OSBPL10: variants seen among roughly 807,000 people sequenced by gnomAD.
The protein encoded by OSBPL10 is oxysterol binding protein like 10.
In OSBPL10, 49 loss-of-function variants were observed where a neutral mutation model predicts 81.7. The observed-to-expected ratio is 0.60, with a 90% confidence interval of 0.48 to 0.76. The LOEUF is 0.76. Ranked by LOEUF, OSBPL10 falls within the 30% of genes least tolerant of loss-of-function variation. The pLI, the probability that OSBPL10 is intolerant of heterozygous loss-of-function variation, is 0.00. For missense variants in OSBPL10, 923 were observed against 987.8 expected (o/e 0.93, Z 0.88); for synonymous variants, 419 against 383.6 (o/e 1.09, Z -1.08).
chr3:32,021,713 C>T (rs1162880261), intron 2 of OSBPL10, among the ~76,000 whole-genome samples: 1 of 152,092 alleles, frequency 6.6e-6, no homozygotes, highest in Non-Finnish European at 1.5e-5. Flanking sequence ...ATGGCTCACA[C>T]CTGTAATTCT....
chr3:31,828,620 G>A (rs908313504), intron 4 of OSBPL10, among the ~76,000 whole-genome samples: 3 of 152,090 alleles, frequency 2.0e-5, no homozygotes, highest in Admixed American at 6.6e-5. Flanking sequence ...GCAGCCTCCC[G>A]CTCCTAGGAT....
At chr3:32,001,938 A>C (rs186888021) in intron 2 of OSBPL10, among the ~76,000 whole-genome samples, 49 of 152,326 alleles carry the variant, frequency 3.2e-4, no homozygotes, top group Admixed American at 1.3e-3. Context: ...TATTATGCTT[A>C]ATAAAATATC....
chr3:31,968,909 G>A (rs1698479115), intron 1 of OSBPL10, among the ~76,000 whole-genome samples: 2 of 152,190 alleles, frequency 1.3e-5, no homozygotes, highest in Non-Finnish European at 2.9e-5. Flanking sequence ...AGCAAAGAGA[G>A]GAATCAATAT....
chr3:31,768,251 C>T (rs1418405352), intron 4 of OSBPL10, among the ~76,000 whole-genome samples: 3 of 152,120 alleles, frequency 2.0e-5, no homozygotes, highest in African/African-American at 7.2e-5. Flanking sequence ...AGGTCACGTT[C>T]ATGGCCCCCT....
At chr3:31,698,334 G>A (rs901248205) in intron 7 of OSBPL10, among the ~76,000 whole-genome samples, 7 of 151,876 alleles carry the variant, frequency 4.6e-5, no homozygotes, top group African/African-American at 7.2e-5. Flanking sequence ...ACCTGTGATC[G>A]CAGCTATTTG....
chr3:31,870,640 T>C (rs1010318144), intron 3 of OSBPL10, among the ~76,000 whole-genome samples: 74 of 151,782 alleles, frequency 4.9e-4, no homozygotes, highest in African/African-American at 1.7e-3. Context: ...ATACACCAAT[T>C]GGCACTCTGT....
chr3:32,076,243 C>T (rs1244984800), intron 1 of OSBPL10, among the ~76,000 whole-genome samples: 1 of 152,108 alleles, frequency 6.6e-6, no homozygotes, highest in African/African-American at 2.4e-5. Flanking sequence ...TGGCGAGCAC[C>T]TGTAGTCCCA....
chr3:31,686,939 C>G (rs1395329558), intron 7 of OSBPL10, among the ~76,000 whole-genome samples: 1 of 152,152 alleles, frequency 6.6e-6, no homozygotes, highest in Non-Finnish European at 1.5e-5. Context: ...ACCACACTTC[C>G]CTCTTCTGCC....
rs531167166 is a variant in OSBPL10 at position 32,072,284 on chromosome 3, C to T, written n.185+5112G>A. On this transcript the variant is annotated intron_variant and non_coding_transcript_variant, in intron 1 of 3. Transcript: ENST00000479173. Reference sequence around the variant, plus strand: ...AAGCTGGAGTCATACACTGCAAGGGCCACCAAAAGGCATCAGATCCCATTG... The same window carrying T: ...AAGCTGGAGTCATACACTGCAAGGGTCACCAAAAGGCATCAGATCCCATTG... Among the ~76,000 whole-genome samples the T allele has an allele frequency of 5.9e-5, 9 of 152,306 alleles. No homozygotes were observed. The East Asian group carries it at 1.7e-3, about 29-fold the overall frequency.
intron 8 of OSBPL10, among the ~76,000 whole-genome samples, chr3:31,676,319 C>G (rs1056758501): frequency 6.7e-6 from 1 of 150,342 alleles, no homozygotes; most frequent in Non-Finnish European, 1.5e-5. Context: ...GAATAAAAGA[C>G]ATATTAAAAT....
intron 2 of OSBPL10, chr3:32,030,456 G>A (rs1699457187): frequency 2.9e-6 from 2 of 686,440 alleles, no homozygotes; most frequent in Admixed American, 1.9e-5. Context: ...TTCTTGCCAA[G>A]AGAATTAATG....
chr3:32,071,279 G>T (rs529947945), intron 1 of OSBPL10, among the ~76,000 whole-genome samples: 5 of 152,118 alleles, frequency 3.3e-5, no homozygotes, highest in African/African-American at 1.2e-4. Flanking sequence ...TCCTTCCTGG[G>T]CATGGTTGGA....
At chr3:31,871,282 G>A (rs940824669) in intron 3 of OSBPL10, among the ~76,000 whole-genome samples, 1 of 152,066 alleles carries the variant, frequency 6.6e-6, no homozygotes, top group Non-Finnish European at 1.5e-5. Context: ...CCCACCGGGA[G>A]GAAGGAACAA....
At chr3:31,758,070 T>C (rs1334137585) in intron 4 of OSBPL10, among the ~76,000 whole-genome samples, 2 of 152,180 alleles carry the variant, frequency 1.3e-5, no homozygotes, top group African/African-American at 4.8e-5. Context: ...AAAATCTGCA[T>C]ATCAAAACTT....
chr3:31,763,158 A>G (rs910460724), intron 4 of OSBPL10, among the ~76,000 whole-genome samples: 10 of 152,234 alleles, frequency 6.6e-5, no homozygotes, highest in African/African-American at 2.4e-4. Context: ...TGTTCTGCAA[A>G]TGGTTTGAAA....
intron 7 of OSBPL10, among the ~76,000 whole-genome samples, chr3:31,690,464 G>A (rs1012946471): frequency 1.3e-5 from 2 of 152,106 alleles, no homozygotes; most frequent in Admixed American, 1.3e-4. Flanking sequence ...AGAGTCCATT[G>A]TGCTACTCTT....
intron 6 of OSBPL10, among the ~76,000 whole-genome samples, chr3:31,715,793 T>C (rs886416540): frequency 6.6e-6 from 1 of 152,250 alleles, no homozygotes; most frequent in Admixed American, 6.5e-5. Context: ...GAAATCATTA[T>C]TGACTTATGC....
intron 1 of OSBPL10, among the ~76,000 whole-genome samples, chr3:31,942,388 A>C (rs930370107): frequency 1.9e-5 from 2 of 104,068 alleles, no homozygotes; most frequent in South Asian, 2.9e-4. Flanking sequence ...CTAAAAATAC[A>C]AAAATTAGCT....
At chr3:31,936,343 G>A (rs1697379848) in intron 1 of OSBPL10, among the ~76,000 whole-genome samples, 1 of 152,122 alleles carries the variant, frequency 6.6e-6, no homozygotes. Context: ...TATTCAATCT[G>A]TACAAAATGA....
Sources: allele counts gnomAD v4.1 joint callset (sites outside exome capture counted in the v4.1 genomes callset), GRCh38; gene constraint gnomAD v4.1.1; transcripts MANE v1.5; gene names NCBI Gene and HGNC (gene_info 2026-07-23, HGNC 2026-07-21).